The following DST variants were observed in gnomAD, a reference collection of about 807,000 sequenced individuals.
DST encodes dystonin.
In DST, 253 loss-of-function variants were observed where a neutral mutation model predicts 875.2. That is an observed-to-expected ratio of 0.29 (90% CI 0.26 to 0.32). The LOEUF is 0.32. Among genes scored for constraint, DST ranks in the 10% least tolerant of loss-of-function variants. DST has a pLI of 1.00. For synonymous variants in DST, 3,124 were observed against 3,197.1 expected (o/e 0.98, Z 0.77); for missense variants, 8,287 against 9,111.6 (o/e 0.91, Z 3.68).
intron 4 of DST, among the ~76,000 whole-genome samples, chr6:56,738,080 T>A (rs2099532519): frequency 6.6e-6 from 1 of 152,168 alleles, no homozygotes; most frequent in Non-Finnish European, 1.5e-5. Flanking sequence ...AACGTACTTT[T>A]TATTTCATAA....
At chr6:56,584,025 T>A (rs1395897053) in intron 49 of DST, among the ~76,000 whole-genome samples, 5 of 151,844 alleles carry the variant, frequency 3.3e-5, no homozygotes, top group Admixed American at 2.0e-4. Context: ...GTCAGGTAGC[T>A]TGATGCCTCC....
intron 72 of DST, among the ~76,000 whole-genome samples, chr6:56,513,837 C>G (rs1300941181): frequency 1.3e-5 from 2 of 152,144 alleles, no homozygotes; most frequent in African/African-American, 4.8e-5. Context: ...TCCAGTCATG[C>G]TGGAGCTATC....
At chr6:56,924,518 A>G (rs948116528) in intron 2 of DST, among the ~76,000 whole-genome samples, 5 of 152,180 alleles carry the variant, frequency 3.3e-5, no homozygotes, top group Admixed American at 6.5e-5. Context: ...GACAGGTTTA[A>G]TATGCTTAAA....
chr6:56,602,339 C>A (rs797006165), intron 43 of DST, among the ~76,000 whole-genome samples: 5 of 152,016 alleles, frequency 3.3e-5, no homozygotes, highest in African/African-American at 1.2e-4. Context: ...ACCACTGTGT[C>A]ACAATTGCCT....
In DST at chr6:56,498,063, T is replaced by G; in HGVS notation, c.19897-10A>C. On this transcript the variant is annotated splice_polypyrimidine_tract_variant and intron_variant, in intron 80 of 103. Coordinates refer to ENST00000680361, the MANE Select transcript of DST (RefSeq NM_001374736.1). ...CATCATTTTGGAGCACCTGAAAATA[T>G]AAAGATAACACCATGTTTGCTAGTT... 6.2e-7 allele frequency: 1 copy of G among 1,608,138 alleles called. No homozygotes were observed. Among genetic ancestry groups the G allele is most frequent in the South Asian group, 1.1e-5 (1 of 90,126 alleles).
chr6:56,552,207 T>G lies in DST; in HGVS notation c.16585A>C (p.Asn5529His). Reference protein sequence around the residue: ...GPVGMETETINQQLNMFKVFQ... With the variant: ...GPVGMETETIHQQLNMFKVFQ... ...ACCTTGAACATGTTAAGCTGCTGAT[T>G]AATTGTCTCCGTTTCCATACCAACA... is the stretch of plus-strand genomic sequence containing the variant. The change falls in exon 61 of 104, where the codon AAT becomes CAT. Residue 5529 changes from asparagine (N) to histidine (H), a missense_variant. Physicochemically the swap from Asn to His is moderately conservative, Grantham distance 68. Transcript: ENST00000680361. 3 of 1,612,508 alleles carry G rather than the reference T, an allele frequency of 1.9e-6. No homozygotes were observed. The highest frequency in any genetic ancestry group is 2.5e-6 in the Non-Finnish European group (3 of 1,179,234).
rs2098534569 is a variant in DST, at chr6:56,610,351, T to C, written c.5283+76A>G. The C allele has an allele frequency of 9.7e-6, 11 of 1,130,926 alleles. No homozygotes were observed. The South Asian group carries it at 1.3e-4, about 14-fold the overall frequency. 70.1% of individuals were successfully genotyped at this position (1,130,926 alleles called of 1,614,324 possible). A position where few individuals can be genotyped will look rare whatever the true frequency, so the allele number is the denominator to read the frequency against. ...AAAATTCAAGGTCATTTCTTTATTA[T>C]TGACATAGATTTCCAGAGCCATGCA... On this transcript the variant is annotated intron_variant, in intron 39 of 103. Coordinates refer to ENST00000680361, the MANE Select transcript of DST (RefSeq NM_001374736.1).
At position 56,893,571 on chromosome 6, in the gene DST, T is replaced by A. The variant is rs867230691; in HGVS notation, c.417+6850A>T. Among the ~76,000 whole-genome samples, 56 of 70,448 alleles carry A rather than the reference T, an allele frequency of 7.9e-4. 5 individuals carry two copies. Among genetic ancestry groups the A allele is most frequent in the Middle Eastern group, 0.013 (2 of 152 alleles). The allele number at this position is 70,448 out of a possible 152,430, so 46.2% of individuals were successfully genotyped here. A position where few individuals can be genotyped will look rare whatever the true frequency, so the allele number is the denominator to read the frequency against. ...AGTCCTACTTTTAGTTCTTTTTTTT[T>A]TTTTTTTTTTTTTTTTATTTTTTTT... On this transcript the variant is annotated intron_variant, in intron 3 of 103. Transcript: ENST00000680361.
chr6:56,667,811 T>TTATA lies in DST; in HGVS notation c.1214+2826_1214+2829dup, dbSNP rs34196579. Among the ~76,000 whole-genome samples, 118 of 141,636 alleles carry TTATA rather than the reference T, an allele frequency of 8.3e-4. 1 individual carries two copies. Among genetic ancestry groups the TTATA allele is most frequent in the Middle Eastern group, 7.1e-3 (2 of 282 alleles). The allele number at this position is 141,636 out of a possible 152,430, so 92.9% of individuals were successfully genotyped here. ...TTTAAGTACTTAGGAGAAAAATGCATTATATATATATATATATACACACAC... is the reference window on the plus strand; with the variant it reads ...TTTAAGTACTTAGGAGAAAAATGCATTATATATATATATATATATATACACACAC... On this transcript the variant is annotated intron_variant, in intron 10 of 103. Coordinates refer to ENST00000680361, the MANE Select transcript of DST (RefSeq NM_001374736.1).
At position 56,605,490 on chromosome 6, in the gene DST, A is replaced by G. The variant is rs774819702; in HGVS notation, c.9138T>C (p.Asp3046=). 6.2e-7 allele frequency: 1 copy of G among 1,612,972 alleles called. No individual in the cohort carries two copies. The highest frequency in any genetic ancestry group is 8.5e-7 in the Non-Finnish European group (1 of 1,179,316). ...AGTACATTTTCTGAATTGATGTTTC[A>G]TCTTCTATTAGAATATCACTTTTGC... The part of the protein sequence containing the change: ...RDGKSDILIE[D]ETSIQKMYLG... Residue 3046 remains aspartate, a synonymous_variant, in exon 40 of 104, where the codon GAT becomes GAC. Transcript: ENST00000680361.
intron 3 of DST, among the ~76,000 whole-genome samples, chr6:56,867,416 C>A (rs1034364272): frequency 6.6e-6 from 1 of 152,172 alleles, no homozygotes; most frequent in African/African-American, 2.4e-5. Context: ...AACTTCATTT[C>A]TTTTACAGTC....
At chr6:56,568,766 A>G (rs1444894165) in intron 54 of DST, among the ~76,000 whole-genome samples, 171 bp from the exon 55 acceptor site, 1 of 152,236 alleles carries the variant, frequency 6.6e-6, no homozygotes. Context: ...GGTGACTGTT[A>G]TCTCAGTTAA....
At chr6:56,762,699 A>G (rs1343781996) in intron 4 of DST, among the ~76,000 whole-genome samples, 1 of 151,976 alleles carries the variant, frequency 6.6e-6, no homozygotes, top group African/African-American at 2.4e-5. Context: ...CTTTCCCTTC[A>G]TCTCTTTACC....
intron 10 of DST, among the ~76,000 whole-genome samples, chr6:56,666,537 C>CA (rs2099073222): frequency 6.6e-6 from 1 of 152,076 alleles, no homozygotes; most frequent in African/African-American, 2.4e-5. Flanking sequence ...TCCACTACAG[C>CA]AACCAACAGA....
intron 4 of DST, among the ~76,000 whole-genome samples, chr6:56,777,747 A>C (rs2099681978): frequency 6.6e-6 from 1 of 151,816 alleles, no homozygotes. Flanking sequence ...TTTGTTGCCC[A>C]GGCTGGAGTA....
intron 50 of DST, among the ~76,000 whole-genome samples, chr6:56,575,031 A>AG (rs1276585270): frequency 2.0e-5 from 3 of 152,188 alleles, no homozygotes; most frequent in African/African-American, 7.2e-5. Context: ...TGAGAGGTTA[A>AG]GTTTGGATGA....
At chr6:56,899,027 A>C (rs1792740604) in intron 3 of DST, among the ~76,000 whole-genome samples, 1 of 152,200 alleles carries the variant, frequency 6.6e-6, no homozygotes, top group Non-Finnish European at 1.5e-5. Flanking sequence ...TCCAAATCCT[A>C]AACTCTACCC....
At chr6:56,885,920 A>C (rs1181787563) in intron 3 of DST, among the ~76,000 whole-genome samples, 1 of 152,234 alleles carries the variant, frequency 6.6e-6, no homozygotes, top group African/African-American at 2.4e-5. Flanking sequence ...GCATGTAGCA[A>C]GGGTCAATGT....
chr6:56,501,507 T>C lies in DST; in HGVS notation c.19740+13A>G. 1 of 1,487,780 alleles carries C rather than the reference T, an allele frequency of 6.7e-7. No homozygotes were observed. Among genetic ancestry groups the C allele is most frequent in the Non-Finnish European group, 8.9e-7 (1 of 1,120,300 alleles). The allele number at this position is 1,487,780 out of a possible 1,614,324, so 92.2% of individuals were successfully genotyped here. On this transcript the variant is annotated intron_variant, in intron 79 of 103. Transcript: ENST00000680361. ...AAAATTTATAATTTCTTAAGAAAAGTCTTGGTATTTACCTGTCTGTTGATG... is the reference window on the plus strand; with the variant it reads ...AAAATTTATAATTTCTTAAGAAAAGCCTTGGTATTTACCTGTCTGTTGATG...
Sources: allele counts gnomAD v4.1 joint callset (sites outside exome capture counted in the v4.1 genomes callset), GRCh38; gene constraint gnomAD v4.1.1; transcripts MANE v1.5; gene names NCBI Gene and HGNC (gene_info 2026-07-23, HGNC 2026-07-21).